The following PLA2G4E variants were observed in gnomAD, a reference collection of about 807,000 sequenced individuals.
The protein encoded by PLA2G4E is cytosolic phospholipase A2 epsilon.
A neutral mutation model predicts 109.1 loss-of-function variants in PLA2G4E; 84 were observed. The observed-to-expected ratio is 0.77, with a 90% CI of 0.65 to 0.92. PLA2G4E has a LOEUF of 0.92. PLA2G4E is among the 40% of genes least tolerant of loss of function. PLA2G4E has a pLI of 0.00. For synonymous variants in PLA2G4E, 469 were observed against 436.1 expected, an observed-to-expected ratio of 1.08 and a Z score of -0.94; for missense variants, 1,057 against 1,076.6, an observed-to-expected ratio of 0.98 and a Z score of 0.25.
At chr15:41,987,525 CT>C in intron 16 of PLA2G4E, 150 bp from the exon 17 acceptor site, 1 of 705,820 alleles carries the variant, frequency 1.4e-6, no homozygotes, top group South Asian at 1.8e-5. Context: ...GGTCCTGGCA[CT>C]GGGGTTAGGA....
At chr15:41,984,736 G>T in intron 18 of PLA2G4E, 117 bp from the exon 19 acceptor site, 2 of 982,238 alleles carry the variant, frequency 2.0e-6, no homozygotes, top group Non-Finnish European at 2.8e-6. Context: ...CTCCCCAACT[G>T]CTTTGCCAGT....
At chr15:42,034,384 T>C (rs77680126) in intron 1 of PLA2G4E, among the ~76,000 whole-genome samples, 2,825 of 152,358 alleles carry the variant, frequency 0.019, 34 homozygotes, top group Non-Finnish European at 0.032. Context: ...TGATTCTGAG[T>C]ACATAAGCCA....
chr15:42,012,000 C>T (rs1219698107), intron 2 of PLA2G4E, among the ~76,000 whole-genome samples: 1 of 152,172 alleles, frequency 6.6e-6, no homozygotes, highest in Non-Finnish European at 1.5e-5. Flanking sequence ...AGTCCCTGGC[C>T]CTTTGGTTGG....
At chr15:41,992,697 GC>G (rs751487450) in intron 13 of PLA2G4E, 39 bp downstream of exon 13, 31 of 1,580,120 alleles carry the variant, frequency 2.0e-5, no homozygotes, top group Non-Finnish European at 2.6e-5. Context: ...CCAGGCATCA[GC>G]CAGGGCAGGG....
At chr15:42,027,664 C>T (rs1447631364) in intron 1 of PLA2G4E, among the ~76,000 whole-genome samples, 1 of 152,234 alleles carries the variant, frequency 6.6e-6, no homozygotes. Flanking sequence ...CAGACCTTCT[C>T]TGAAGGTCTG....
At chr15:41,994,802 T>A (rs2068311371) in intron 12 of PLA2G4E, among the ~76,000 whole-genome samples, 1 of 152,290 alleles carries the variant, frequency 6.6e-6, no homozygotes, top group African/African-American at 2.4e-5. Context: ...AGTTTGTTAA[T>A]GAAATGATCC....
At chr15:42,002,599 A>T in intron 6 of PLA2G4E, 55 bp downstream of exon 6, 1 of 1,513,082 alleles carries the variant, frequency 6.6e-7, no homozygotes, top group East Asian at 2.4e-5. Flanking sequence ...TGTTCCCCTG[A>T]GAGCAGCAGC....
exon 20 of PLA2G4E, chr15:41,983,617 G>A (rs994270405): frequency 6.6e-6 from 5 of 751,960 alleles, no homozygotes; most frequent in South Asian, 3.9e-5. Context: ...TTTACTTTTC[G>A]TTAGAAAGCC....
At chr15:42,014,804 T>A (rs1595569865) in intron 1 of PLA2G4E, among the ~76,000 whole-genome samples, 1 of 152,172 alleles carries the variant, frequency 6.6e-6, no homozygotes, top group African/African-American at 2.4e-5. Context: ...TCTTGGCTGG[T>A]CTGCGATGAC....
At chr15:41,990,609 G>A (rs974919871) in intron 13 of PLA2G4E, among the ~76,000 whole-genome samples, 1 of 151,980 alleles carries the variant, frequency 6.6e-6, no homozygotes, top group Non-Finnish European at 1.5e-5. Context: ...TCCATGTTTA[G>A]CATCTCCATT....
chr15:41,987,915 T>G, intron 16 of PLA2G4E, 134 bp downstream of exon 16: 2 of 561,792 alleles, frequency 3.6e-6, no homozygotes, highest in Non-Finnish European at 6.6e-6. Context: ...CACCCAGCCA[T>G]GAGGGAAAGC....
chr15:42,035,159 C>A (rs981018793), intron 1 of PLA2G4E, among the ~76,000 whole-genome samples: 1 of 152,250 alleles, frequency 6.6e-6, no homozygotes, highest in African/African-American at 2.4e-5. Flanking sequence ...TTCTCCGAAT[C>A]GTGGGGGAAG....
chr15:41,995,281 G>A, intron 12 of PLA2G4E, 79 bp downstream of exon 12: 1 of 1,536,842 alleles, frequency 6.5e-7, no homozygotes, highest in Non-Finnish European at 8.9e-7. Flanking sequence ...GTGGCGGGGA[G>A]GAGCTTCACC....
intron 2 of PLA2G4E, among the ~76,000 whole-genome samples, chr15:42,012,966 C>T (rs897165878): frequency 2.6e-5 from 4 of 152,162 alleles, no homozygotes; most frequent in Admixed American, 6.5e-5. Context: ...GAGGGGCTTT[C>T]AGTTCTCCTG....
chr15:42,004,610 C>T (rs907046776), intron 5 of PLA2G4E, among the ~76,000 whole-genome samples: 5 of 152,120 alleles, frequency 3.3e-5, no homozygotes, highest in Non-Finnish European at 5.9e-5. Context: ...TCAACAAGGC[C>T]CCCATCGCCA....
chr15:42,031,729 C>A (rs1053021545), intron 1 of PLA2G4E, among the ~76,000 whole-genome samples: 2 of 152,176 alleles, frequency 1.3e-5, no homozygotes, highest in Non-Finnish European at 2.9e-5. Flanking sequence ...GGGCACCTCT[C>A]GGAGACTCCC....
At chr15:42,024,599 G>T (rs1242784350) in intron 1 of PLA2G4E, among the ~76,000 whole-genome samples, 1 of 152,168 alleles carries the variant, frequency 6.6e-6, no homozygotes, top group East Asian at 1.9e-4. Flanking sequence ...TGTGGGCCCA[G>T]CAAGGATGAC....
At chr15:42,024,199 G>C (rs933209340) in intron 1 of PLA2G4E, among the ~76,000 whole-genome samples, 1 of 152,196 alleles carries the variant, frequency 6.6e-6, no homozygotes, top group African/African-American at 2.4e-5. Context: ...AGGAGTGTCA[G>C]GCAAACAGTG....
chr15:42,010,570 T>C (rs1335322281), intron 2 of PLA2G4E, among the ~76,000 whole-genome samples: 1 of 152,206 alleles, frequency 6.6e-6, no homozygotes, highest in African/African-American at 2.4e-5. Flanking sequence ...TAAGTTCTAA[T>C]CCTTGTTCCT....
Sources: allele counts gnomAD v4.1 joint callset (sites outside exome capture counted in the v4.1 genomes callset), GRCh38; gene constraint gnomAD v4.1.1; transcripts MANE v1.5; gene names NCBI Gene and HGNC (gene_info 2026-07-23, HGNC 2026-07-21).